Variants in BSN observed in about 807,000 individuals in gnomAD.
The protein encoded by BSN is protein bassoon.
BSN carries 57 observed loss-of-function variants against 264.8 expected under a neutral mutation model. The observed-to-expected ratio is 0.22, with a 90% confidence interval of 0.17 to 0.27. BSN has a LOEUF of 0.27. Ranked by LOEUF, BSN falls within the 10% of genes least tolerant of loss-of-function variation. The pLI is 1.00. For missense variants in BSN, 4,615 were observed against 5,232.5 expected, an observed-to-expected ratio of 0.88 and a Z score of 3.64; for synonymous variants, 2,059 against 2,137.3, an observed-to-expected ratio of 0.96 and a Z score of 1.01.
intron 1 of BSN, among the ~76,000 whole-genome samples, chr3:49,602,111 G>C (rs2052076820): frequency 6.6e-6 from 1 of 152,232 alleles, no homozygotes; most frequent in South Asian, 2.1e-4. Flanking sequence ...CTGGAGCCAA[G>C]GGCTCCTCAT....
intron 1 of BSN, among the ~76,000 whole-genome samples, chr3:49,606,886 C>A (rs548979833): frequency 1.1e-4 from 17 of 152,122 alleles, no homozygotes; most frequent in Admixed American, 1.1e-3. Flanking sequence ...GAGGCCGAGG[C>A]GGGCGGATCA....
chr3:49,635,650 T>C (rs1404898440), intron 2 of BSN, among the ~76,000 whole-genome samples: 2 of 152,214 alleles, frequency 1.3e-5, no homozygotes, highest in Non-Finnish European at 2.9e-5. Flanking sequence ...TCTGTCCATC[T>C]ATCCATCCAT....
chr3:49,613,290 T>TAC (rs1553662860), intron 1 of BSN, among the ~76,000 whole-genome samples: 28 of 76,384 alleles, frequency 3.7e-4, no homozygotes, highest in East Asian at 2.4e-3. Flanking sequence ...TATATATATA[T>TAC]ACACACACAG....
rs376210512 is a variant in BSN at position 49,661,742 on chromosome 3, C to T, written c.9897C>T (p.Arg3299=). The change falls in exon 6 of 12, where the codon CGC becomes CGT. Residue 3299 remains arginine (R), a synonymous_variant. Transcript: ENST00000296452. ...CTGAGGAGGACTCATACGATCCCCG[C>T]GGGAAGGGTGGCCACCTCCGGAGCA... is the stretch of plus-strand genomic sequence containing the variant. ...EESEEDSYDP[R]GKGGHLRSME... 2.8e-5 allele frequency: 45 copies of T among 1,613,322 alleles called. No homozygotes were observed. Among genetic ancestry groups the T allele is most frequent in the East Asian group, 8.9e-5 (4 of 44,888 alleles).
intron 1 of BSN, among the ~76,000 whole-genome samples, chr3:49,597,920 G>C (rs929362055): frequency 1.3e-5 from 2 of 151,842 alleles, no homozygotes; most frequent in Admixed American, 1.3e-4. Flanking sequence ...TGGGATTACA[G>C]GCGTGAGCCA....
intron 2 of BSN, among the ~76,000 whole-genome samples, chr3:49,636,822 A>G (rs943853802): frequency 1.3e-5 from 2 of 152,232 alleles, no homozygotes; most frequent in African/African-American, 4.8e-5. Flanking sequence ...GGGGCAGGCA[A>G]CATGTCTATT....
intron 2 of BSN, among the ~76,000 whole-genome samples, chr3:49,636,414 G>C (rs2052420292): frequency 1.3e-5 from 2 of 152,140 alleles, no homozygotes; most frequent in Admixed American, 1.3e-4. Context: ...GTGCAGGGGA[G>C]TTGGCCAGTC....
In BSN at chr3:49,655,635, T is replaced by G. The variant is rs1251451215; in HGVS notation, c.6079T>G (p.Phe2027Val). 1.9e-6 allele frequency: 3 copies of G among 1,613,590 alleles called. No individual in the cohort carries two copies. The highest frequency in any genetic ancestry group is 2.7e-5 in the African/African-American group (2 of 74,938). The part of the protein sequence containing the change: ...SSLKHSYSLG[F>V]ADGRYLGQGL... ...ACTGAAGCACTCCTACAGCCTGGGC[T>G]TTGCGGATGGACGCTACCTAGGGCA... is the stretch of plus-strand genomic sequence containing the variant. Residue 2027 changes from phenylalanine to valine, a missense_variant, in exon 5 of 12, where the codon TTT becomes GTT. Physicochemically the swap from Phe to Val is conservative, Grantham distance 50. Transcript: ENST00000296452.
In BSN at chr3:49,661,047, G is replaced by T; in HGVS notation, c.9202G>T (p.Gly3068Cys). Reference protein sequence around the residue: ...PPAPQYSAGSGGPTQNGFPAH... With the variant: ...PPAPQYSAGSCGPTQNGFPAH... ...AGCCCCACAGTATTCTGCAGGCAGT[G>T]GTGGGCCAACTCAGAACGGATTCCC... Residue 3068 changes from glycine (G) to cysteine (C), a missense_variant, in exon 6 of 12, where the codon GGT (glycine) becomes TGT (cysteine). Around this residue, in one of 3 missense-constraint regions of BSN, gnomAD observed 3,415 missense variants for 3,866.4 expected, o/e 0.88. Coordinates refer to ENST00000296452, the MANE Select transcript of BSN (RefSeq NM_003458.4). 1 of 1,611,588 alleles carries T rather than the reference G, an allele frequency of 6.2e-7. No homozygotes were observed. Among genetic ancestry groups the T allele is most frequent in the Non-Finnish European group, 8.5e-7 (1 of 1,179,848 alleles).
intron 3 of BSN, among the ~76,000 whole-genome samples, chr3:49,646,878 G>C (rs576367887): frequency 3.9e-5 from 6 of 152,340 alleles, no homozygotes; most frequent in African/African-American, 1.4e-4. Context: ...AAGAGGCCCA[G>C]AAAGAAGGAG....
At chr3:49,635,430 C>T (rs1352337467) in intron 2 of BSN, among the ~76,000 whole-genome samples, 2 of 152,102 alleles carry the variant, frequency 1.3e-5, no homozygotes, top group Admixed American at 6.5e-5. Flanking sequence ...CACAGGAGCT[C>T]TTGATGCCTT....
At chr3:49,558,371 C>T (rs1048626767) in intron 1 of BSN, among the ~76,000 whole-genome samples, 2 of 152,332 alleles carry the variant, frequency 1.3e-5, no homozygotes, top group African/African-American at 4.8e-5. Flanking sequence ...ATGCCAAAGT[C>T]GCCTCTCTTC....
intron 1 of BSN, among the ~76,000 whole-genome samples, chr3:49,618,990 A>G (rs1386475685): frequency 6.6e-6 from 1 of 152,278 alleles, no homozygotes; most frequent in East Asian, 1.9e-4. Context: ...AGAATAAAAT[A>G]TGAACACCTG....
chr3:49,658,380 C>G (rs745748200), intron 5 of BSN, among the ~76,000 whole-genome samples, 184 bp downstream of exon 5: 3 of 152,094 alleles, frequency 2.0e-5, no homozygotes, highest in Non-Finnish European at 4.4e-5. Context: ...GCCCGGCAGA[C>G]AGCCTGGCAG....
At position 49,583,602 on chromosome 3, in the gene BSN, CCTGT is replaced by C. The variant is rs760675543; in HGVS notation, c.224+28781_224+28784del. On this transcript the variant is annotated intron_variant, in intron 1 of 11. Transcript: ENST00000296452. The stretch of plus-strand genomic sequence containing the variant: ...TCCAGCCTGGATGACAGAGCAAGAC[CCTGT>C]CTGTTATAAAATAAAATTTTTAAAA... Among the ~76,000 whole-genome samples the C allele has an allele frequency of 1.1e-4, 17 of 152,048 alleles. No homozygotes were observed. The East Asian group carries it at 2.3e-3, about 21-fold the overall frequency.
At chr3:49,605,897 T>TATATATATATATA (rs1491451068) in intron 1 of BSN, among the ~76,000 whole-genome samples, 8 of 52,236 alleles carry the variant, frequency 1.5e-4, no homozygotes, top group Non-Finnish European at 1.6e-4. Context: ...AATATATTTA[T>TATATATATATATA]GTCTATATAA....
rs1046818354 is a variant in BSN at position 49,554,483 on chromosome 3, C to G, written c.-120C>G. The G allele has an allele frequency of 9.1e-6, 2 of 219,862 alleles. No individual in the cohort carries two copies. The highest frequency in any genetic ancestry group is 1.5e-4 in the South Asian group (1 of 6,464). 13.6% of individuals were successfully genotyped at this position (219,862 alleles called of 1,614,324 possible). ...GACGCGCATGCGCAGCGGCAGGCGG[C>G]GGCGCGAGCCGAGCTGGGAGATGGC... is the stretch of plus-strand genomic sequence containing the variant. On this transcript the variant is annotated 5_prime_UTR_variant, in exon 1 of 12. Coordinates refer to ENST00000296452, the MANE Select transcript of BSN (RefSeq NM_003458.4).
At position 49,587,927 on chromosome 3, in the gene BSN, C is replaced by CTTTTCTTTTCTTTTCTTTTCT. The variant is rs144431423; in HGVS notation, c.224+33105_224+33106insCTTTTCTTTTCTTTTCTTTTT. On this transcript the variant is annotated intron_variant, in intron 1 of 11. Transcript: ENST00000296452. ...CTTTTCTTTTCTTTTCTTTTCTTTT[C>CTTTTCTTTTCTTTTCTTTTCT]TTTTTTTTTTTGAGACAAGAGTCTC... 3.9e-4 allele frequency among the ~76,000 whole-genome samples: 54 copies of CTTTTCTTTTCTTTTCTTTTCT among 138,282 alleles called. 1 individual carries two copies. The highest frequency in any genetic ancestry group is 3.6e-3 in the Middle Eastern group (1 of 274). 90.7% of individuals were successfully genotyped at this position (138,282 alleles called of 152,430 possible).
chr3:49,646,924 G>A (rs919315177), intron 3 of BSN, among the ~76,000 whole-genome samples: 8 of 152,294 alleles, frequency 5.3e-5, no homozygotes, highest in East Asian at 3.9e-4. Context: ...GCTCAGGGTC[G>A]CAGAGTCAGG....
Sources: allele counts gnomAD v4.1 joint callset (sites outside exome capture counted in the v4.1 genomes callset), GRCh38; gene constraint gnomAD v4.1.1; regional missense constraint gnomAD v4.1.1; transcripts MANE v1.5; gene names NCBI Gene and HGNC (gene_info 2026-07-23, HGNC 2026-07-21).